CADPS2: variants seen among roughly 807,000 people sequenced by gnomAD.
CADPS2 encodes calcium dependent secretion activator 2, also known as calcium-dependent secretion activator 2.
CADPS2 carries 93 observed loss-of-function variants against 172.5 expected under a neutral mutation model. The observed-to-expected ratio is 0.54, with a 90% CI of 0.46 to 0.64. The LOEUF (loss-of-function observed/expected upper bound fraction) is 0.64, where lower values mean the gene tolerates loss of function less well. CADPS2 is among the 30% of genes least tolerant of loss of function. The pLI, the probability that CADPS2 is intolerant of heterozygous loss-of-function variation, is 0.00. For synonymous variants in CADPS2, 546 were observed against 555.2 expected, an observed-to-expected ratio of 0.98 and a Z score of 0.23; for missense variants, 1,420 against 1,565.9, an observed-to-expected ratio of 0.91 and a Z score of 1.57.
intron 28 of CADPS2, among the ~76,000 whole-genome samples, chr7:122,327,884 C>T (rs753797248): frequency 6.6e-6 from 1 of 151,618 alleles, no homozygotes; most frequent in South Asian, 2.1e-4. Flanking sequence ...CTTTGAAGGA[C>T]AATAAATTGT....
Position 122,360,919 on chromosome 7 carries a change from C to T in CADPS2, c.3471+11G>A, listed in dbSNP as rs758722858. 4 of 1,612,738 alleles carry T rather than the reference C, an allele frequency of 2.5e-6. No homozygotes were observed. The South Asian group carries it at 3.3e-5, about 13-fold the overall frequency. On this transcript the variant is annotated intron_variant, in intron 26 of 29. Transcript: ENST00000449022. ...AAAAGACCACAGAAGAGAACTCATT[C>T]AAATACTTACAGTGAATGACAGAAT...
At chr7:122,696,633 T>C (rs1291017444) in intron 2 of CADPS2, among the ~76,000 whole-genome samples, 1 of 152,150 alleles carries the variant, frequency 6.6e-6, no homozygotes, top group Non-Finnish European at 1.5e-5. Flanking sequence ...GCGCAGCAAT[T>C]CAAATCCCAG....
At chr7:122,832,419 C>T (rs1806850134) in intron 1 of CADPS2, among the ~76,000 whole-genome samples, 1 of 152,002 alleles carries the variant, frequency 6.6e-6, no homozygotes, top group Admixed American at 6.5e-5. Flanking sequence ...ATCAACTGTG[C>T]AAGAAAAATG....
At chr7:122,587,978 T>G (rs117777423) in intron 6 of CADPS2, among the ~76,000 whole-genome samples, 2,332 of 152,286 alleles carry the variant, frequency 0.015, 24 homozygotes, top group Non-Finnish European at 0.022. Context: ...TGCTGAGCTT[T>G]TCTCATGTTT....
At chr7:122,852,041 C>G (rs1222695124) in intron 1 of CADPS2, among the ~76,000 whole-genome samples, 1 of 152,166 alleles carries the variant, frequency 6.6e-6, no homozygotes, top group Non-Finnish European at 1.5e-5. Context: ...TAGTAAGCGG[C>G]AGAACTGTAA....
At chr7:122,546,000 TA>T in intron 8 of CADPS2, among the ~76,000 whole-genome samples, 1 of 152,190 alleles carries the variant, frequency 6.6e-6, no homozygotes, top group Non-Finnish European at 1.5e-5. Context: ...GATCTTTTTT[TA>T]AATCATGAGA....
At chr7:122,650,309 T>C (rs937207857) in intron 3 of CADPS2, among the ~76,000 whole-genome samples, 11 of 152,186 alleles carry the variant, frequency 7.2e-5, no homozygotes, top group African/African-American at 2.4e-4. Flanking sequence ...AAAATAAAGA[T>C]ACAGTTGCTT....
At chr7:122,376,886 A>C (rs897048289) in intron 25 of CADPS2, among the ~76,000 whole-genome samples, 1 of 152,142 alleles carries the variant, frequency 6.6e-6, no homozygotes, top group South Asian at 2.1e-4. Context: ...GTCTGTTAAT[A>C]TCTCAATAAA....
chr7:122,673,904 CG>C (rs1380627977), intron 2 of CADPS2, among the ~76,000 whole-genome samples: 1 of 30,018 alleles, frequency 3.3e-5, no homozygotes, highest in African/African-American at 1.4e-4. Context: ...TGGGAGCCCA[CG>C]GCGGGGGGTG....
chr7:122,416,127 T>C lies in CADPS2; in HGVS notation c.2514A>G (p.Glu838=). 6.4e-7 allele frequency: 1 copy of C among 1,553,128 alleles called. No individual in the cohort carries two copies. Among genetic ancestry groups the C allele is most frequent in the South Asian group, 1.2e-5 (1 of 84,570 alleles). The change falls in exon 18 of 30, where the codon GAA becomes GAG. Residue 838 remains glutamate (E), a synonymous_variant. Transcript: ENST00000449022. The stretch of plus-strand genomic sequence containing the variant: ...AGAGCTCTGCCAGATGAAGAATCTC[T>C]TCCAGCTTTCTAGCAGGAGATGCCT... The part of the protein sequence containing the change: ...MNQASPARKL[E]EILHLAELCI...
rs117053568 is a variant in CADPS2, at chr7:122,643,819, G to A, written c.787-14491C>T. Among the ~76,000 whole-genome samples, 487 of 152,134 alleles carry A rather than the reference G, an allele frequency of 3.2e-3. 2 individuals carry two copies. Among genetic ancestry groups the A allele is most frequent in the Non-Finnish European group, 5.4e-3 (369 of 67,976 alleles). Reference sequence around the variant, plus strand: ...GAATATAAAACCATGGACTTGGCACGGTAGCTTATGCCTATAATCCCAGCA... The same window carrying A: ...GAATATAAAACCATGGACTTGGCACAGTAGCTTATGCCTATAATCCCAGCA... On this transcript the variant is annotated intron_variant, in intron 3 of 29. Transcript: ENST00000449022.
intron 14 of CADPS2, among the ~76,000 whole-genome samples, chr7:122,466,264 G>A (rs942327200): frequency 6.6e-6 from 1 of 152,188 alleles, no homozygotes; most frequent in Non-Finnish European, 1.5e-5. Context: ...GAGTTGCACA[G>A]TTTGAATGGA....
chr7:122,447,543 ATTTTT>A (rs1159112244), intron 15 of CADPS2, among the ~76,000 whole-genome samples: 4,953 of 89,800 alleles, frequency 0.055, 491 homozygotes, highest in Non-Finnish European at 0.08. Context: ...GTTTCGGGGA[ATTTTT>A]TTTTTTTTTT....
intron 8 of CADPS2, among the ~76,000 whole-genome samples, chr7:122,554,023 C>T (rs575897285): frequency 6.6e-5 from 10 of 152,208 alleles, no homozygotes; most frequent in Middle Eastern, 3.4e-3. Flanking sequence ...GAGACAGTCC[C>T]TGCATTTCTT....
At position 122,325,512 on chromosome 7, in the gene CADPS2, T is replaced by G; in HGVS notation, c.3682A>C (p.Ile1228Leu). 3.1e-6 allele frequency: 5 copies of G among 1,611,062 alleles called. No individual in the cohort carries two copies. Among genetic ancestry groups the G allele is most frequent in the Non-Finnish European group, 4.2e-6 (5 of 1,178,482 alleles). ...LTDRLDLQLH[I>L]YQLKTLIKIV... ...TTGATGAGCGTCTTCAGCTGGTAAA[T>G]ATGGAGTTGGAGGTCTAATCTATCA... Residue 1228 changes from isoleucine (I) to leucine (L), a missense_variant, in exon 29 of 30, where the codon ATT becomes CTT. Physicochemically the swap from Ile to Leu is conservative, Grantham distance 5 (BLOSUM62 2). Coordinates refer to ENST00000449022, the MANE Select transcript of CADPS2 (RefSeq NM_017954.11).
At chr7:122,867,375 C>A (rs1818577754) in intron 1 of CADPS2, among the ~76,000 whole-genome samples, 1 of 152,158 alleles carries the variant, frequency 6.6e-6, no homozygotes, top group Admixed American at 6.6e-5. Context: ...GTGTACCAGA[C>A]AACTGAGGAA....
At chr7:122,822,607 T>C (rs371042841) in intron 1 of CADPS2, among the ~76,000 whole-genome samples, 12,159 of 123,796 alleles carry the variant, frequency 0.098, 812 homozygotes, top group Middle Eastern at 0.19. Context: ...TGCACGTATA[T>C]GCCCAGATGG....
At chr7:122,325,134 C>T (rs2033555910) in intron 29 of CADPS2, among the ~76,000 whole-genome samples, 2 of 152,014 alleles carry the variant, frequency 1.3e-5, no homozygotes, top group Admixed American at 1.3e-4. Context: ...ATATATGATC[C>T]TAATAAATAT....
intron 1 of CADPS2, among the ~76,000 whole-genome samples, chr7:122,813,622 G>C (rs1358919616): frequency 1.3e-5 from 2 of 151,984 alleles, no homozygotes; most frequent in African/African-American, 2.4e-5. Flanking sequence ...TTAAGTAAAC[G>C]CCTGGAAATG....
Sources: gnomAD v4.1 joint callset for allele counts (sites outside exome capture counted in the v4.1 genomes callset) on GRCh38, gnomAD v4.1.1 for gene constraint, MANE v1.5 for transcripts, NCBI Gene and HGNC (gene_info 2026-07-23, HGNC 2026-07-21) for gene names.